RASAL2: variants seen among roughly 807,000 people sequenced by gnomAD.
RASAL2 encodes the protein ras GTPase-activating protein nGAP.
RASAL2 carries 58 observed loss-of-function variants against 128.9 expected under a neutral mutation model. That is an observed-to-expected ratio of 0.45 (90% CI 0.36 to 0.56). The LOEUF is 0.56. RASAL2 is among the 20% of genes least tolerant of loss of function. The pLI is 0.00. For missense variants in RASAL2, 1,360 were observed against 1,601.6 expected, an observed-to-expected ratio of 0.85 and a Z score of 2.57; for synonymous variants, 561 against 580.8, an observed-to-expected ratio of 0.97 and a Z score of 0.49.
chr1:178,167,837 G>A (rs1442297132), intron 1 of RASAL2, among the ~76,000 whole-genome samples: 1 of 151,824 alleles, frequency 6.6e-6, no homozygotes, highest in Admixed American at 6.6e-5. Flanking sequence ...AAACTCACAT[G>A]TATGTGGACC....
At chr1:178,338,724 C>T (rs1393591874) in intron 3 of RASAL2, among the ~76,000 whole-genome samples, 1 of 152,178 alleles carries the variant, frequency 6.6e-6, no homozygotes, top group Non-Finnish European at 1.5e-5. Context: ...TTAGTAAGCA[C>T]TTACTATGTG....
At chr1:178,133,268 C>A (rs1660187973) in intron 1 of RASAL2, among the ~76,000 whole-genome samples, 1 of 152,134 alleles carries the variant, frequency 6.6e-6, no homozygotes, top group African/African-American at 2.4e-5. Flanking sequence ...ACGCATTTTG[C>A]TCCCCTGCCT....
chr1:178,261,216 A>G (rs1159722940), intron 1 of RASAL2, among the ~76,000 whole-genome samples: 2 of 152,202 alleles, frequency 1.3e-5, no homozygotes, highest in African/African-American at 4.8e-5. Flanking sequence ...TAGAAAAATA[A>G]GAACTCTGGA....
intron 1 of RASAL2, among the ~76,000 whole-genome samples, chr1:178,207,476 A>T (rs998758978): frequency 6.6e-6 from 1 of 152,206 alleles, no homozygotes; most frequent in Non-Finnish European, 1.5e-5. Flanking sequence ...TTGGGTATAG[A>T]TTATGTGCAA....
chr1:178,441,348 G>A (rs577153480), intron 6 of RASAL2, among the ~76,000 whole-genome samples: 7 of 152,174 alleles, frequency 4.6e-5, no homozygotes, highest in African/African-American at 1.4e-4. Context: ...TAAGGATGTC[G>A]CTCATTAGGT....
chr1:178,142,652 C>G (rs184751615), intron 1 of RASAL2, among the ~76,000 whole-genome samples: 4 of 152,204 alleles, frequency 2.6e-5, no homozygotes, highest in Admixed American at 2.6e-4. Flanking sequence ...CTCGACTGTT[C>G]TTGAGGATTT....
intron 9 of RASAL2, among the ~76,000 whole-genome samples, chr1:178,450,420 G>T (rs1338668697): frequency 6.6e-6 from 1 of 152,030 alleles, no homozygotes; most frequent in Non-Finnish European, 1.5e-5. Context: ...TAATTTTTCT[G>T]TGCACCACTT....
At chr1:178,402,569 A>G (rs1673711073) in intron 4 of RASAL2, among the ~76,000 whole-genome samples, 1 of 152,166 alleles carries the variant, frequency 6.6e-6, no homozygotes, top group Non-Finnish European at 1.5e-5. Flanking sequence ...CTTTTCAGTA[A>G]TGTATTTCCC....
chr1:178,315,057 G>A (rs1221629130), intron 3 of RASAL2, among the ~76,000 whole-genome samples: 1 of 147,796 alleles, frequency 6.8e-6, no homozygotes, highest in African/African-American at 2.5e-5. Flanking sequence ...TTTTGATCTT[G>A]CGATAGTTTA....
At chr1:178,127,122 T>C (rs577676300) in intron 1 of RASAL2, among the ~76,000 whole-genome samples, 14 of 152,306 alleles carry the variant, frequency 9.2e-5, no homozygotes, top group Non-Finnish European at 1.8e-4. Flanking sequence ...ATGATTAATA[T>C]TTCCAGAATG....
At position 178,295,717 on chromosome 1, in the gene RASAL2, A is replaced by G. The variant is rs143321739; in HGVS notation, c.331-4275A>G. On this transcript the variant is annotated intron_variant, in intron 2 of 17. Transcript: ENST00000367649. Reference sequence around the variant, plus strand: ...TGGGGACTGAGAATGTGGTTTTCTAATAAGTTCCTGGGTTATGCTGTTGCT... The same window carrying G: ...TGGGGACTGAGAATGTGGTTTTCTAGTAAGTTCCTGGGTTATGCTGTTGCT... Among the ~76,000 whole-genome samples, 128 of 152,292 alleles carry G rather than the reference A, an allele frequency of 8.4e-4. 1 individual carries two copies. The highest frequency in any genetic ancestry group is 2.9e-3 in the African/African-American group (120 of 41,568).
intron 4 of RASAL2, among the ~76,000 whole-genome samples, chr1:178,404,421 G>A (rs556447588): frequency 1.3e-4 from 20 of 151,854 alleles, no homozygotes; most frequent in South Asian, 8.3e-4. Context: ...TCGCTCTGTC[G>A]CCAGGCTAGA....
intron 3 of RASAL2, among the ~76,000 whole-genome samples, chr1:178,327,450 A>G (rs532906851): frequency 1.4e-4 from 21 of 152,196 alleles, no homozygotes; most frequent in South Asian, 4.2e-4. Flanking sequence ...AGTTCAAGCA[A>G]TCCTCCCACT....
intron 3 of RASAL2, among the ~76,000 whole-genome samples, chr1:178,326,251 T>A (rs1199378894): frequency 6.6e-6 from 1 of 152,188 alleles, no homozygotes; most frequent in Non-Finnish European, 1.5e-5. Flanking sequence ...AAAGAATGAA[T>A]CATATATCAA....
intron 3 of RASAL2, among the ~76,000 whole-genome samples, chr1:178,362,379 A>G (rs940626482): frequency 1.3e-5 from 2 of 152,130 alleles, no homozygotes; most frequent in African/African-American, 2.4e-5. Context: ...TTTGATATAC[A>G]TAGTGAAATG....
At chr1:178,412,778 A>G (rs769022017) in intron 4 of RASAL2, among the ~76,000 whole-genome samples, 1 of 152,154 alleles carries the variant, frequency 6.6e-6, no homozygotes, top group South Asian at 2.1e-4. Context: ...AGTGTGGCCA[A>G]GTTTGAGAGA....
chr1:178,096,830 T>C (rs1393031559), intron 1 of RASAL2, among the ~76,000 whole-genome samples: 1 of 152,158 alleles, frequency 6.6e-6, no homozygotes, highest in Non-Finnish European at 1.5e-5. Context: ...TCATCCTGGA[T>C]ACTATTTTGT....
intron 12 of RASAL2, among the ~76,000 whole-genome samples, chr1:178,455,436 TTATTTTCCTC>T (rs1270172076): frequency 3.9e-5 from 6 of 152,220 alleles, no homozygotes; most frequent in Non-Finnish European, 8.8e-5. Flanking sequence ...AATGATCTAC[TTATTTTCCTC>T]TATTTTCCTA....
At chr1:178,187,075 G>A (rs140274239) in intron 1 of RASAL2, among the ~76,000 whole-genome samples, 5,328 of 152,122 alleles carry the variant, frequency 0.035, 278 homozygotes, top group African/African-American at 0.12. Context: ...CAATCCTCCT[G>A]CCTCGGCCTC....
Sources: gnomAD v4.1 joint callset for allele counts (sites outside exome capture counted in the v4.1 genomes callset) on GRCh38, gnomAD v4.1.1 for gene constraint, MANE v1.5 for transcripts, NCBI Gene and HGNC (gene_info 2026-07-23, HGNC 2026-07-21) for gene names.